The following RAP1A variants were observed in gnomAD, a reference collection of about 807,000 sequenced individuals.
RAP1A encodes RAP1A, member of RAS oncogene family, also known as ras-related protein Rap-1A.
RAP1A carries 6 observed loss-of-function variants against 26.4 expected under a neutral mutation model. The observed-to-expected ratio is 0.23, with a 90% CI of 0.12 to 0.45. The LOEUF (loss-of-function observed/expected upper bound fraction) is 0.45, where lower values mean the gene tolerates loss of function less well. Ranked by LOEUF, RAP1A falls within the 20% of genes least tolerant of loss-of-function variation. The pLI, the probability that RAP1A is intolerant of heterozygous loss-of-function variation, is 0.99. For missense variants in RAP1A, 121 were observed against 217.2 expected (o/e 0.56, Z 2.78); for synonymous variants, 73 against 79.4 (o/e 0.92, Z 0.43).
intron 1 of RAP1A, chr1:111,649,003 T>G (rs1660171304): frequency 3.2e-6 from 2 of 621,862 alleles, no homozygotes; most frequent in Admixed American, 1.8e-5. Context: ...CAAGTGACAT[T>G]GATGTCATCA....
At chr1:111,685,589 A>G (rs993848504) in intron 1 of RAP1A, among the ~76,000 whole-genome samples, 6 of 152,356 alleles carry the variant, frequency 3.9e-5, no homozygotes, top group Admixed American at 3.3e-4. Context: ...ATCTCACGCC[A>G]GTTAGAATAG....
At chr1:111,550,501 T>C (rs1037901512) in intron 1 of RAP1A, among the ~76,000 whole-genome samples, 1 of 152,226 alleles carries the variant, frequency 6.6e-6, no homozygotes. Context: ...TCTTCCAACA[T>C]TCCCTGTATC....
Position 111,703,490 on chromosome 1 carries a change from C to G in RAP1A, c.324+14C>G. The G allele has an allele frequency of 6.4e-7, 1 of 1,569,040 alleles. No individual in the cohort carries two copies. Among genetic ancestry groups the G allele is most frequent in the South Asian group, 1.2e-5 (1 of 83,814 alleles). Reference sequence around the variant, plus strand: ...GACACGGAAGATGTAAGTATTTTTTCTCTCTGTAAGATGTTATGCCATCTC... The same window carrying G: ...GACACGGAAGATGTAAGTATTTTTTGTCTCTGTAAGATGTTATGCCATCTC... On this transcript the variant is annotated intron_variant, in intron 5 of 7. Transcript: ENST00000369709.
At chr1:111,665,278 CTTT>C (rs935647988) in intron 1 of RAP1A, among the ~76,000 whole-genome samples, 2 of 152,056 alleles carry the variant, frequency 1.3e-5, no homozygotes, top group Non-Finnish European at 2.9e-5. Context: ...CAAATTTATA[CTTT>C]TTCATTAGCT....
At chr1:111,555,068 C>T (rs1657426828) in intron 1 of RAP1A, among the ~76,000 whole-genome samples, 1 of 151,732 alleles carries the variant, frequency 6.6e-6, no homozygotes, top group Non-Finnish European at 1.5e-5. Flanking sequence ...AAGAGGCTAT[C>T]AAAAATGATC....
chr1:111,618,322 C>A (rs1659058701), upstream of RAP1A, among the ~76,000 whole-genome samples: 1 of 152,214 alleles, frequency 6.6e-6, no homozygotes, highest in South Asian at 2.1e-4. Context: ...CAGTCCTTAT[C>A]TTACTAATTT....
In RAP1A at chr1:111,580,452, CG is replaced by C. The variant is rs1157258977; in HGVS notation, c.-28+37947del. ...TAGGTTTAGTACTCAAAAGAGAAATCGGGGCTGGAAGTAAAAACTTTGGAAT... is the reference window on the plus strand; with the variant it reads ...TAGGTTTAGTACTCAAAAGAGAAATCGGGCTGGAAGTAAAAACTTTGGAAT... On this transcript the variant is annotated intron_variant, in intron 1 of 7. Coordinates refer to the RAP1A transcript ENST00000356415. 2.0e-5 allele frequency among the ~76,000 whole-genome samples: 3 copies of C among 152,230 alleles called. No individual in the cohort carries two copies. In the East Asian group the frequency reaches 5.8e-4, roughly 29 times the overall value.
intron 1 of RAP1A, among the ~76,000 whole-genome samples, chr1:111,569,218 T>C (rs1012088134): frequency 2.6e-5 from 4 of 151,878 alleles, no homozygotes; most frequent in African/African-American, 9.7e-5. Flanking sequence ...CTGAGCAACA[T>C]AGTGAAACCC....
intron 6 of RAP1A, among the ~76,000 whole-genome samples, chr1:111,707,504 C>T (rs1198059008): frequency 1.3e-5 from 2 of 152,162 alleles, no homozygotes; most frequent in African/African-American, 4.8e-5. Flanking sequence ...TATGTATCCT[C>T]AGATCAAAGA....
intron 1 of RAP1A, chr1:111,680,527 T>A (rs1007776833): frequency 6.6e-6 from 1 of 152,466 alleles, no homozygotes; most frequent in Non-Finnish European, 1.5e-5. Flanking sequence ...TTTACAATCC[T>A]TTAGCTAGAC....
intron 1 of RAP1A, among the ~76,000 whole-genome samples, chr1:111,661,024 T>C (rs1189464890): frequency 2.0e-5 from 3 of 152,364 alleles, no homozygotes; most frequent in East Asian, 1.9e-4. Flanking sequence ...TGGAACACTT[T>C]ACCAGCTGAC....
chr1:111,668,094 C>G (rs1660854689), intron 1 of RAP1A, among the ~76,000 whole-genome samples: 1 of 152,158 alleles, frequency 6.6e-6, no homozygotes. Context: ...GGTTGTTATT[C>G]TTTGACATTT....
At chr1:111,626,336 T>C (rs778833983) in intron 1 of RAP1A, among the ~76,000 whole-genome samples, 10 of 151,544 alleles carry the variant, frequency 6.6e-5, no homozygotes, top group Non-Finnish European at 1.3e-4. Context: ...CCAAGACTTA[T>C]TTTTTGTAAA....
At chr1:111,598,925 C>G (rs1658609786) in intron 1 of RAP1A, among the ~76,000 whole-genome samples, 1 of 152,184 alleles carries the variant, frequency 6.6e-6, no homozygotes, top group Non-Finnish European at 1.5e-5. Context: ...CTACGATCCT[C>G]TCTTTGAAGT....
At chr1:111,702,082 C>T (rs1473345875) in intron 4 of RAP1A, among the ~76,000 whole-genome samples, 1 of 152,080 alleles carries the variant, frequency 6.6e-6, no homozygotes, top group African/African-American at 2.4e-5. Flanking sequence ...GTACATCAGC[C>T]AGGGTAGAAC....
At chr1:111,695,264 TTATA>T in intron 2 of RAP1A, 73 bp from the exon 3 acceptor site, 1 of 1,048,706 alleles carries the variant, frequency 9.5e-7, no homozygotes, top group Non-Finnish European at 1.4e-6. Flanking sequence ...CAATTAATCA[TTATA>T]ATTTGTAGGT....
At chr1:111,606,533 C>T (rs1017422351) in intron 1 of RAP1A, among the ~76,000 whole-genome samples, 1 of 152,202 alleles carries the variant, frequency 6.6e-6, no homozygotes, top group East Asian at 1.9e-4. Context: ...TGGCACTGCA[C>T]GGCCCAGTAG....
intron 1 of RAP1A, among the ~76,000 whole-genome samples, chr1:111,548,075 CAGTGGCACAAT>C (rs970106290): frequency 6.6e-5 from 10 of 152,236 alleles, no homozygotes; most frequent in African/African-American, 2.2e-4. Context: ...GGCTGGTGTG[CAGTGGCACAAT>C]CTCGGCTCAC....
At chr1:111,699,696 G>A (rs930454352) in intron 4 of RAP1A, among the ~76,000 whole-genome samples, 1 of 151,494 alleles carries the variant, frequency 6.6e-6, no homozygotes, top group Admixed American at 6.6e-5. Context: ...TCTTGAACTG[G>A]ACTCAAGGGA....
Sources: allele counts gnomAD v4.1 joint callset (sites outside exome capture counted in the v4.1 genomes callset), GRCh38; gene constraint gnomAD v4.1.1; transcripts MANE v1.5; gene names NCBI Gene and HGNC (gene_info 2026-07-23, HGNC 2026-07-21).